Variants in SMOC1 observed in about 807,000 individuals in gnomAD.
The protein encoded by SMOC1 is SPARC-related modular calcium-binding protein 1.
SMOC1 carries 22 observed loss-of-function variants against 56.3 expected under a neutral mutation model. The observed-to-expected ratio is 0.39, with a 90% CI of 0.28 to 0.56. The LOEUF is 0.56. Among genes scored for constraint, SMOC1 ranks in the 20% least tolerant of loss-of-function variants. The pLI is 0.61. For missense variants in SMOC1, 509 were observed against 565.4 expected (o/e 0.90, Z 1.01); for synonymous variants, 193 against 215.0 (o/e 0.90, Z 0.89).
intron 1 of SMOC1, among the ~76,000 whole-genome samples, chr14:69,942,297 GT>G (rs1288370949): frequency 6.6e-6 from 1 of 152,070 alleles, no homozygotes; most frequent in Non-Finnish European, 1.5e-5. Context: ...ATTAAAGGGG[GT>G]GGGCAGAGAA....
rs766212480 is a variant in SMOC1 at position 69,975,832 on chromosome 14, G to A, written c.478+18G>A. On this transcript the variant is annotated intron_variant, in intron 4 of 11. Transcript: ENST00000361956. ...ATGTTCAGGTACCGTAGGGAGGGGC[G>A]GGAAGAATGAAAAGGGTTGGAGAGA... 13 of 1,579,578 alleles carry A rather than the reference G, an allele frequency of 8.2e-6. No individual in the cohort carries two copies. The highest frequency in any genetic ancestry group is 6.7e-5 in the East Asian group (3 of 44,706).
chr14:69,942,689 C>A (rs1882608022), intron 1 of SMOC1, among the ~76,000 whole-genome samples: 1 of 152,106 alleles, frequency 6.6e-6, no homozygotes, highest in African/African-American at 2.4e-5. Flanking sequence ...TGGCTTCTTT[C>A]ATTTGGAATA....
rs1444872708 is a variant in SMOC1, at chr14:70,011,539, T to C, written c.912T>C (p.Asp304=). 7.5e-6 allele frequency: 12 copies of C among 1,608,650 alleles called. No individual in the cohort carries two copies. The highest frequency in any genetic ancestry group is 1.0e-5 in the Non-Finnish European group (12 of 1,177,400). The change falls in exon 9 of 12, where the codon GAT becomes GAC. Residue 304 remains aspartate, a synonymous_variant. Coordinates refer to ENST00000361956, the MANE Select transcript of SMOC1 (RefSeq NM_001034852.3). The stretch of plus-strand genomic sequence containing the variant: ...CCAGGGCCAAGACTACAGAGGCGGA[T>C]GACCCCTTCAAGGACAGGGAGCTAC... The part of the protein sequence containing the change: ...SDARAKTTEA[D]DPFKDRELPG...
In SMOC1 at chr14:69,879,728, T is replaced by G. The variant is rs779323872; in HGVS notation, c.50T>G (p.Val17Gly). 6.3e-7 allele frequency: 1 copy of G among 1,591,590 alleles called. No homozygotes were observed. Among genetic ancestry groups the G allele is most frequent in the South Asian group, 1.1e-5 (1 of 89,086 alleles). ...CTGCTCACGCCCCACTTGCTGCTGG[T>G]GTTGGTGCAGCTGTCCCCTGCTCGC... ...ARLLTPHLLL[V>G]LVQLSPARGH... is the part of the protein sequence containing the mutation. The change falls in exon 1 of 12, where the codon GTG becomes GGG. Residue 17 changes from valine (V) to glycine (G), a missense_variant. Around this residue, in one of 3 missense-constraint regions of SMOC1, gnomAD observed 315 missense variants for 333.1 expected, o/e 0.95. Transcript: ENST00000361956.
chr14:69,890,587 C>T (rs1440496502), intron 1 of SMOC1, among the ~76,000 whole-genome samples: 1 of 152,154 alleles, frequency 6.6e-6, no homozygotes, highest in African/African-American at 2.4e-5. Flanking sequence ...CTCAGCCCAT[C>T]CTGATTCCTG....
chr14:69,931,664 G>A (rs118164113), intron 1 of SMOC1, among the ~76,000 whole-genome samples: 2 of 152,332 alleles, frequency 1.3e-5, no homozygotes, highest in East Asian at 1.9e-4. Context: ...AGAAAGGATG[G>A]CTGAGGGAGA....
At chr14:69,974,417 C>T (rs1192340297) in intron 3 of SMOC1, among the ~76,000 whole-genome samples, 1 of 152,040 alleles carries the variant, frequency 6.6e-6, no homozygotes, top group African/African-American at 2.4e-5. Context: ...CAAACAAAGG[C>T]TCAGAATCAG....
At position 70,011,352 on chromosome 14, in the gene SMOC1, G is replaced by C. The variant is rs895837893; in HGVS notation, c.858-133G>C. On this transcript the variant is annotated intron_variant, in intron 8 of 11. Coordinates refer to ENST00000361956, the MANE Select transcript of SMOC1 (RefSeq NM_001034852.3). The stretch of plus-strand genomic sequence containing the variant: ...GATTGCCTTGTAGCTGCCGGGCAGC[G>C]CAAGAGATATCGTTCTGCCCACCCT... The C allele has an allele frequency of 1.2e-5, 10 of 833,176 alleles. No individual in the cohort carries two copies. In the African/African-American group the frequency reaches 1.5e-4, roughly 13 times the overall value. The allele number at this position is 833,176 out of a possible 1,614,324, so 51.6% of individuals were successfully genotyped here.
intron 1 of SMOC1, among the ~76,000 whole-genome samples, chr14:69,918,270 C>T (rs1035151547): frequency 2.0e-5 from 3 of 151,612 alleles, no homozygotes; most frequent in Non-Finnish European, 2.9e-5. Context: ...ACTCTGTTGC[C>T]CAGGCTGGAG....
rs146277570 is a variant in SMOC1, at chr14:69,963,851, C to T, written c.378+10319C>T. ...AGGAAGGACTTGTCTAGGAAGTGAC[C>T]GGTCTAATCTCTTGCATGTGTTGGG... On this transcript the variant is annotated intron_variant, in intron 3 of 11. Transcript: ENST00000361956. 1.2e-4 allele frequency among the ~76,000 whole-genome samples: 19 copies of T among 152,276 alleles called. No homozygotes were observed. The East Asian group carries it at 1.5e-3, about 12-fold the overall frequency.
chr14:69,938,805 G>C (rs1371559491), intron 1 of SMOC1, among the ~76,000 whole-genome samples: 1 of 152,146 alleles, frequency 6.6e-6, no homozygotes, highest in African/African-American at 2.4e-5. Context: ...CAGAGGGGAG[G>C]AAAACAAAGA....
At chr14:70,007,935 C>T (rs1403191009) in intron 7 of SMOC1, among the ~76,000 whole-genome samples, 3 of 152,064 alleles carry the variant, frequency 2.0e-5, no homozygotes, top group African/African-American at 7.2e-5. Context: ...AGGGTTAGTG[C>T]TATTATGATA....
At chr14:69,923,739 T>C (rs1006524630) in intron 1 of SMOC1, among the ~76,000 whole-genome samples, 29 of 152,246 alleles carry the variant, frequency 1.9e-4, no homozygotes, top group African/African-American at 6.5e-4. Context: ...GTTTTCTAGC[T>C]GCAGACAGTA....
chr14:69,912,524 A>G (rs955731370), intron 1 of SMOC1, among the ~76,000 whole-genome samples: 2 of 152,200 alleles, frequency 1.3e-5, no homozygotes, highest in African/African-American at 4.8e-5. Context: ...AAGTGCTGAG[A>G]TTACAGGCAT....
intron 1 of SMOC1, among the ~76,000 whole-genome samples, chr14:69,903,445 G>C (rs902723610): frequency 6.6e-6 from 1 of 152,170 alleles, no homozygotes; most frequent in Admixed American, 6.5e-5. Context: ...TGACGATGGC[G>C]GTTTTGTCGA....
At chr14:69,896,526 GA>G (rs1319695566) in intron 1 of SMOC1, among the ~76,000 whole-genome samples, 1 of 152,180 alleles carries the variant, frequency 6.6e-6, no homozygotes, top group Admixed American at 6.5e-5. Flanking sequence ...GCTGTAACAA[GA>G]AAATATGAGA....
intron 7 of SMOC1, among the ~76,000 whole-genome samples, chr14:70,003,850 A>G (rs1228123607): frequency 1.3e-5 from 2 of 152,080 alleles, no homozygotes; most frequent in East Asian, 3.9e-4. Context: ...TGCTTGCTAC[A>G]TCTTAGAGGA....
At chr14:70,002,190 G>C (rs1198993352) in intron 7 of SMOC1, among the ~76,000 whole-genome samples, 1 of 152,184 alleles carries the variant, frequency 6.6e-6, no homozygotes, top group Admixed American at 6.5e-5. Context: ...CCCTCCAGGG[G>C]GTCCTCCCGG....
At position 69,952,342 on chromosome 14, in the gene SMOC1, C is replaced by T. The variant is rs534501633; in HGVS notation, c.265+39C>T. The T allele has an allele frequency of 1.9e-6, 3 of 1,611,758 alleles. No homozygotes were observed. The South Asian group carries it at 3.3e-5, about 18-fold the overall frequency. On this transcript the variant is annotated intron_variant, in intron 2 of 11. Transcript: ENST00000361956. ...CCCCTGCCCAGCCAAGGAGAGGTTC[C>T]TGGGCACCCCAGCTCCCTCACTATG...
Sources: allele counts gnomAD v4.1 joint callset (sites outside exome capture counted in the v4.1 genomes callset), GRCh38; gene constraint gnomAD v4.1.1; regional missense constraint gnomAD v4.1.1; transcripts MANE v1.5; gene names NCBI Gene and HGNC (gene_info 2026-07-23, HGNC 2026-07-21).